Variants in LMBR1 observed in about 807,000 individuals in gnomAD.
LMBR1 encodes the protein limb region 1 protein homolog.
Under a neutral mutation model 73.9 loss-of-function variants are expected in LMBR1, and 52 were observed. The ratio of observed to expected loss-of-function variants is 0.70; its 90% CI spans 0.56 to 0.89. LMBR1 has a LOEUF of 0.89. Among genes scored for constraint, LMBR1 ranks in the 40% least tolerant of loss-of-function variants. The pLI, the probability that LMBR1 is intolerant of heterozygous loss-of-function variation, is 0.00. For missense variants in LMBR1, 539 were observed against 579.8 expected, an observed-to-expected ratio of 0.93 and a Z score of 0.72; for synonymous variants, 215 against 209.4, an observed-to-expected ratio of 1.03 and a Z score of -0.23.
intron 10 of LMBR1, among the ~76,000 whole-genome samples, chr7:156,730,173 T>C (rs2132447023): frequency 6.6e-6 from 1 of 152,280 alleles, no homozygotes; most frequent in East Asian, 1.9e-4. Flanking sequence ...CTTGAGAGGC[T>C]ATGATCATAC....
intron 15 of LMBR1, among the ~76,000 whole-genome samples, chr7:156,700,405 G>A (rs1281026716): frequency 7.4e-5 from 1 of 13,574 alleles, no homozygotes; most frequent in African/African-American, 8.5e-4. Flanking sequence ...GGTGGGAGGA[G>A]GGGGGGAGGG....
intron 1 of LMBR1, among the ~76,000 whole-genome samples, chr7:156,886,976 T>G (rs1045204798): frequency 1.3e-5 from 2 of 152,058 alleles, no homozygotes; most frequent in Non-Finnish European, 2.9e-5. Flanking sequence ...TTTCCTGGGG[T>G]CCCCTTAGCC....
intron 4 of LMBR1, among the ~76,000 whole-genome samples, chr7:156,820,304 C>T (rs1042392923): frequency 6.6e-6 from 1 of 152,152 alleles, no homozygotes; most frequent in Admixed American, 6.5e-5. Context: ...TTGCTTTCAG[C>T]TGACAAGGCC....
intron 4 of LMBR1, among the ~76,000 whole-genome samples, chr7:156,797,794 C>T (rs1298453425): frequency 6.6e-6 from 1 of 152,132 alleles, no homozygotes; most frequent in African/African-American, 2.4e-5. Context: ...CTCACAGTTT[C>T]TTATTCAAAA....
chr7:156,679,888 T>G lies in LMBR1; in HGVS notation c.*4190A>C, dbSNP rs1195328002. 1 of 152,214 alleles carries G rather than the reference T, an allele frequency of 6.6e-6. No individual in the cohort carries two copies. Among genetic ancestry groups the G allele is most frequent in the African/African-American group, 2.4e-5 (1 of 41,450 alleles). The allele number at this position is 152,214 out of a possible 1,614,324, so 9.4% of individuals were successfully genotyped here. ...AGTTCCTATTTGATTATAGTTAACC[T>G]TGAAAAAATTTTTTCCTAATTAAAG... On this transcript the variant is annotated 3_prime_UTR_variant, in exon 17 of 17. Coordinates refer to ENST00000353442, the MANE Select transcript of LMBR1 (RefSeq NM_022458.4).
At chr7:156,781,627 C>T (rs2133194635) in intron 5 of LMBR1, among the ~76,000 whole-genome samples, 1 of 152,222 alleles carries the variant, frequency 6.6e-6, no homozygotes, top group East Asian at 1.9e-4. Context: ...TCACCCTTTT[C>T]CCTTTCTATT....
chr7:156,877,497 A>T (rs1479775683), intron 1 of LMBR1, among the ~76,000 whole-genome samples: 1 of 152,214 alleles, frequency 6.6e-6, no homozygotes, highest in East Asian at 1.9e-4. Context: ...TAAAATCCTT[A>T]ACAAAATACT....
chr7:156,740,772 A>AGAATGTTAAT (rs1469947119), intron 9 of LMBR1, among the ~76,000 whole-genome samples: 1 of 152,248 alleles, frequency 6.6e-6, no homozygotes, highest in African/African-American at 2.4e-5. Context: ...AGGAAAGAAA[A>AGAATGTTAAT]GAATGTTAAT....
At chr7:156,837,793 T>TC (rs1470772300) in intron 1 of LMBR1, among the ~76,000 whole-genome samples, 3 of 151,046 alleles carry the variant, frequency 2.0e-5, no homozygotes, top group Non-Finnish European at 4.4e-5. Context: ...TTGCTTTTTT[T>TC]TTTTTTTTTC....
At chr7:156,820,887 C>G (rs1834682311) in intron 4 of LMBR1, among the ~76,000 whole-genome samples, 1 of 152,184 alleles carries the variant, frequency 6.6e-6, no homozygotes, top group African/African-American at 2.4e-5. Context: ...TCTGAAAGGG[C>G]AGAGGCAGAG....
At chr7:156,805,683 G>T (rs961622445) in intron 4 of LMBR1, among the ~76,000 whole-genome samples, 1 of 152,200 alleles carries the variant, frequency 6.6e-6, no homozygotes, top group African/African-American at 2.4e-5. Context: ...CTGGAATCTT[G>T]ACAGGCATGG....
chr7:156,738,605 T>C (rs1318491339), intron 9 of LMBR1, among the ~76,000 whole-genome samples: 1 of 152,190 alleles, frequency 6.6e-6, no homozygotes, highest in Non-Finnish European at 1.5e-5. Flanking sequence ...AAGAGAACTT[T>C]GTCTTGCATT....
At chr7:156,853,835 T>C (rs369178503) in intron 1 of LMBR1, among the ~76,000 whole-genome samples, 1 of 152,026 alleles carries the variant, frequency 6.6e-6, no homozygotes, top group Non-Finnish European at 1.5e-5. Context: ...TTTGTATTTT[T>C]GGTAGAGATG....
At chr7:156,859,917 G>A (rs1174951167) in intron 1 of LMBR1, among the ~76,000 whole-genome samples, 1 of 152,188 alleles carries the variant, frequency 6.6e-6, no homozygotes, top group Non-Finnish European at 1.5e-5. Context: ...CAATAATCAA[G>A]ACTATGATTT....
At chr7:156,735,629 TTTTG>T (rs1378151038) in intron 9 of LMBR1, among the ~76,000 whole-genome samples, 1 of 151,862 alleles carries the variant, frequency 6.6e-6, no homozygotes, top group Non-Finnish European at 1.5e-5. Context: ...TTGTTTTTGT[TTTTG>T]TTTTTCATCC....
At chr7:156,890,528 A>G (rs990798879) in intron 1 of LMBR1, among the ~76,000 whole-genome samples, 6 of 152,244 alleles carry the variant, frequency 3.9e-5, no homozygotes, top group African/African-American at 1.4e-4. Flanking sequence ...TAATTTTTAA[A>G]TGGGGAAAAA....
chr7:156,797,887 T>A (rs1830316561), intron 4 of LMBR1, among the ~76,000 whole-genome samples: 2 of 152,128 alleles, frequency 1.3e-5, no homozygotes, highest in South Asian at 4.1e-4. Flanking sequence ...TCTTAACATC[T>A]TTTAGTGGAA....
chr7:156,803,338 G>A (rs368488125), intron 4 of LMBR1, among the ~76,000 whole-genome samples: 5,936 of 151,628 alleles, frequency 0.039, 171 homozygotes, highest in Non-Finnish European at 0.048. Context: ...AAAAGTGGGC[G>A]AAGGATATGA....
intron 4 of LMBR1, among the ~76,000 whole-genome samples, chr7:156,797,914 T>C (rs1000241257): frequency 6.6e-6 from 1 of 152,140 alleles, no homozygotes; most frequent in African/African-American, 2.4e-5. Flanking sequence ...CAATTTGAAC[T>C]ATTTAAAATT....
Sources: gnomAD v4.1 joint callset for allele counts (sites outside exome capture counted in the v4.1 genomes callset) on GRCh38, gnomAD v4.1.1 for gene constraint, MANE v1.5 for transcripts, NCBI Gene and HGNC (gene_info 2026-07-23, HGNC 2026-07-21) for gene names.